The following SLC13A3 variants were observed in gnomAD, a reference collection of about 807,000 sequenced individuals.
The protein encoded by SLC13A3 is Na(+)/dicarboxylate cotransporter 3.
In SLC13A3, 40 loss-of-function variants were observed where a neutral mutation model predicts 59.0. That is an observed-to-expected ratio of 0.68 (90% CI 0.53 to 0.88). SLC13A3 has a LOEUF of 0.88. SLC13A3 is among the 40% of genes least tolerant of loss of function. The pLI, the probability that SLC13A3 is intolerant of heterozygous loss-of-function variation, is 0.00. For synonymous variants in SLC13A3, 317 were observed against 330.3 expected (o/e 0.96, Z 0.44); for missense variants, 699 against 783.2 (o/e 0.89, Z 1.28).
At chr20:46,613,356 G>A (rs1468532597) in intron 2 of SLC13A3, 104 bp downstream of exon 2, 6 of 959,812 alleles carry the variant, frequency 6.3e-6, no homozygotes, top group Non-Finnish European at 4.2e-6. Flanking sequence ...GAACCGATGA[G>A]TTTCTTGGCC....
intron 1 of SLC13A3, among the ~76,000 whole-genome samples, chr20:46,640,283 G>A (rs184258716): frequency 3.0e-4 from 46 of 152,234 alleles, no homozygotes; most frequent in South Asian, 1.7e-3. Flanking sequence ...CTCTCTCTGC[G>A]CAGAGGGCTG....
intron 1 of SLC13A3, among the ~76,000 whole-genome samples, chr20:46,645,989 G>A (rs929393834): frequency 6.6e-6 from 1 of 152,172 alleles, no homozygotes; most frequent in African/African-American, 2.4e-5. Flanking sequence ...AATGATGTGA[G>A]TGGTATTTGG....
intron 3 of SLC13A3, among the ~76,000 whole-genome samples, chr20:46,601,346 T>C (rs1600543563): frequency 6.6e-6 from 1 of 152,324 alleles, no homozygotes; most frequent in East Asian, 1.9e-4. Context: ...ATTTGGCTGG[T>C]AACCATACAG....
chr20:46,594,735 T>C (rs2062292923), intron 5 of SLC13A3, among the ~76,000 whole-genome samples: 2 of 137,632 alleles, frequency 1.5e-5, no homozygotes, highest in Non-Finnish European at 3.1e-5. Context: ...CCACAACTTC[T>C]TTTTTTTTTT....
At chr20:46,681,374 G>T (rs1312325396) in intron 1 of SLC13A3, among the ~76,000 whole-genome samples, 1 of 152,056 alleles carries the variant, frequency 6.6e-6, no homozygotes, top group Non-Finnish European at 1.5e-5. Flanking sequence ...GGAGAGAGGG[G>T]CATGGACTTG....
In SLC13A3 at chr20:46,610,552, G is replaced by A. The variant is rs563338890; in HGVS notation, c.435C>T (p.Thr145=). ...TGGGAAGCATCATGGCAGTGGAGGC[G>A]GTGTTGCTCAGCCACATGGACAAGA... ...TSFLSMWLSN[T]ASTAMMLPIA... The change falls in exon 3 of 13, where the codon ACC becomes ACT. Residue 145 remains threonine (T), a synonymous_variant. Transcript: ENST00000279027. 23 of 1,614,062 alleles carry A rather than the reference G, an allele frequency of 1.4e-5. No homozygotes were observed. The highest frequency in any genetic ancestry group is 1.6e-4 in the Middle Eastern group (1 of 6,062).
intron 4 of SLC13A3, 24 bp downstream of exon 4, chr20:46,599,947 C>G: frequency 1.3e-6 from 2 of 1,544,158 alleles, no homozygotes; most frequent in South Asian, 1.2e-5. Flanking sequence ...ACTGGGTCCT[C>G]TATGAATTTC....
chr20:46,636,396 A>T (rs2062795777), intron 1 of SLC13A3, among the ~76,000 whole-genome samples: 1 of 152,144 alleles, frequency 6.6e-6, no homozygotes, highest in Non-Finnish European at 1.5e-5. Context: ...ACTCAATTGA[A>T]ATTTTTTGAC....
upstream of SLC13A3, among the ~76,000 whole-genome samples, chr20:46,674,569 A>G (rs2063111147): frequency 1.3e-5 from 2 of 148,256 alleles, no homozygotes; most frequent in Non-Finnish European, 3.0e-5. Context: ...AGCAGGGGAG[A>G]CAGTGGGTAG....
chr20:46,624,308 T>A (rs1259327026), intron 1 of SLC13A3, among the ~76,000 whole-genome samples: 1 of 152,194 alleles, frequency 6.6e-6, no homozygotes, highest in Non-Finnish European at 1.5e-5. Flanking sequence ...CAATACCTAT[T>A]GAGAATTTGC....
chr20:46,631,613 C>T (rs1448774018), intron 1 of SLC13A3, among the ~76,000 whole-genome samples: 5 of 152,182 alleles, frequency 3.3e-5, no homozygotes, highest in Admixed American at 1.3e-4. Context: ...GCCTTGGTCC[C>T]CAACTCAGCC....
chr20:46,564,172 C>T (rs2061960001), intron 11 of SLC13A3, among the ~76,000 whole-genome samples: 1 of 152,232 alleles, frequency 6.6e-6, no homozygotes, highest in Non-Finnish European at 1.5e-5. Flanking sequence ...CTGGATACCT[C>T]TTGTTGGGGG....
rs2063125387 is a variant in SLC13A3, at chr20:46,676,369, C to T, written c.-31+8027G>A. ...CCGAGAAGTCCCCAGAAGCCCCCTC[C>T]AAATCACTGCCCCTTCACCAAGGGC... On this transcript the variant is annotated intron_variant, in intron 1 of 6. Transcript: ENST00000372121. Among the ~76,000 whole-genome samples, 2 of 150,880 alleles carry T rather than the reference C, an allele frequency of 1.3e-5. 1 individual carries two copies. Among genetic ancestry groups the T allele is most frequent in the South Asian group, 4.2e-4 (2 of 4,708 alleles).
chr20:46,558,923 C>G lies in SLC13A3; in HGVS notation c.*1099G>C, dbSNP rs2061907754. On this transcript the variant is annotated 3_prime_UTR_variant, in exon 13 of 13. Coordinates refer to ENST00000279027, the MANE Select transcript of SLC13A3 (RefSeq NM_022829.6). The stretch of plus-strand genomic sequence containing the variant: ...CTGCTTGGAACAAAGAGGGATTAAC[C>G]CTTGAAGGCAGACACCACTTCCAGC... 1.3e-5 allele frequency: 2 copies of G among 151,908 alleles called. No individual in the cohort carries two copies. Among genetic ancestry groups the G allele is most frequent in the Admixed American group, 1.3e-4 (2 of 15,234 alleles). The allele number at this position is 151,908 out of a possible 1,614,324, so 9.4% of individuals were successfully genotyped here.
chr20:46,621,914 G>A (rs1227921446), intron 1 of SLC13A3, among the ~76,000 whole-genome samples: 1 of 152,122 alleles, frequency 6.6e-6, no homozygotes, highest in Admixed American at 6.6e-5. Flanking sequence ...TCCAAAATAC[G>A]TTTGACCACG....
chr20:46,566,911 A>G (rs907582408), intron 10 of SLC13A3, among the ~76,000 whole-genome samples: 3 of 151,918 alleles, frequency 2.0e-5, no homozygotes, highest in African/African-American at 7.2e-5. Flanking sequence ...AACACAATCA[A>G]TGTAATTATC....
chr20:46,597,949 G>A (rs1327586178), intron 4 of SLC13A3, among the ~76,000 whole-genome samples: 2 of 152,088 alleles, frequency 1.3e-5, no homozygotes, highest in African/African-American at 4.8e-5. Context: ...GACTGTGGTA[G>A]TCATTTCACA....
chr20:46,583,631 G>A lies in SLC13A3; in HGVS notation c.1160C>T (p.Thr387Ile). ...TTGGGACGGGAAGAAGAACAAGATG[G>A]TGACAATAGCCACGCCGGTGACAGC... Reference protein sequence around the residue: ...SDAVTGVAIVTILFFFPSQRP... With the variant: ...SDAVTGVAIVIILFFFPSQRP... The change falls in exon 9 of 13, where the codon ACC (threonine) becomes ATC (isoleucine). Residue 387 changes from threonine to isoleucine, a missense_variant. Transcript: ENST00000279027. 6.2e-7 allele frequency: 1 copy of A among 1,613,914 alleles called. No individual in the cohort carries two copies. The highest frequency in any genetic ancestry group is 8.5e-7 in the Non-Finnish European group (1 of 1,179,982).
chr20:46,582,897 G>A lies in SLC13A3; in HGVS notation c.1219+675C>T, dbSNP rs115281167. On this transcript the variant is annotated intron_variant, in intron 9 of 12. Coordinates refer to ENST00000279027, the MANE Select transcript of SLC13A3 (RefSeq NM_022829.6). ...GGGAGTCGCAAGCTGGCAATCTGAA[G>A]GCCACAGTCTACAACATTTTGGTTA... The A allele has an allele frequency of 2.1e-3, 2,027 of 985,334 alleles. 35 individuals carry two copies. The African/African-American group carries it at 0.032, about 16-fold the overall frequency. 61.0% of individuals were successfully genotyped at this position (985,334 alleles called of 1,614,324 possible).
Sources: allele counts gnomAD v4.1 joint callset (sites outside exome capture counted in the v4.1 genomes callset), GRCh38; gene constraint gnomAD v4.1.1; transcripts MANE v1.5; gene names NCBI Gene and HGNC (gene_info 2026-07-23, HGNC 2026-07-21).